CMC1: variants seen among roughly 807,000 people sequenced by gnomAD.
CMC1 encodes C-X9-C motif containing 1.
CMC1 carries 14 observed loss-of-function variants against 14.1 expected under a neutral mutation model. That is an observed-to-expected ratio of 0.99 (90% CI 0.66 to 1.55). The LOEUF (loss-of-function observed/expected upper bound fraction) is 1.55. Among genes scored for constraint, CMC1 ranks in the 40% most tolerant of loss-of-function variants. CMC1 has a pLI of 0.00. For synonymous variants in CMC1, 50 were observed against 38.4 expected, an observed-to-expected ratio of 1.30 and a Z score of -1.12; for missense variants, 127 against 123.8, an observed-to-expected ratio of 1.03 and a Z score of -0.12.
At chr3:28,247,420 G>A (rs986616487) in intron 1 of CMC1, among the ~76,000 whole-genome samples, 3 of 152,170 alleles carry the variant, frequency 2.0e-5, no homozygotes, top group Non-Finnish European at 4.4e-5. Flanking sequence ...CAGCTCTGGT[G>A]TACCACATGG....
chr3:28,299,148 C>A (rs1249280870), intron 2 of CMC1, among the ~76,000 whole-genome samples: 1 of 152,034 alleles, frequency 6.6e-6, no homozygotes, highest in African/African-American at 2.4e-5. Context: ...TCAAATTAAT[C>A]AGATTCTGCC....
At chr3:28,319,111 G>T in intron 3 of CMC1, 1 of 375,052 alleles carries the variant, frequency 2.7e-6, no homozygotes, top group Admixed American at 3.4e-5. Flanking sequence ...ATGGATTTCT[G>T]TTGGTCTTTC....
intron 2 of CMC1, among the ~76,000 whole-genome samples, chr3:28,282,870 A>G (rs1325754467): frequency 6.6e-6 from 1 of 152,184 alleles, no homozygotes; most frequent in Non-Finnish European, 1.5e-5. Context: ...ATATTATTAG[A>G]TATCTTTCCT....
At chr3:28,289,449 T>C (rs1428895852) in intron 2 of CMC1, among the ~76,000 whole-genome samples, 1 of 152,016 alleles carries the variant, frequency 6.6e-6, no homozygotes, top group African/African-American at 2.4e-5. Flanking sequence ...TGTAGGACAA[T>C]GAGAAGGTTA....
intron 2 of CMC1, among the ~76,000 whole-genome samples, chr3:28,306,492 G>A (rs1702314111): frequency 6.6e-6 from 1 of 151,984 alleles, no homozygotes; most frequent in South Asian, 2.1e-4. Context: ...AACGTTACTG[G>A]TGTATAGAAA....
At chr3:28,244,775 G>C (rs888673479) in intron 1 of CMC1, among the ~76,000 whole-genome samples, 2 of 151,708 alleles carry the variant, frequency 1.3e-5, no homozygotes, top group Non-Finnish European at 2.9e-5. Context: ...TTGTACGTCA[G>C]CAGCTGGGTG....
chr3:28,321,214 A>G lies in CMC1; in HGVS notation c.*1585A>G, dbSNP rs529077046. On this transcript the variant is annotated 3_prime_UTR_variant, in exon 4 of 4. Coordinates refer to ENST00000466830, the MANE Select transcript of CMC1 (RefSeq NM_182523.2). ...ACACAGCATAGGGGCAAACATGCCC[A>G]TATTTCCACATTGACCTTTGGTATT... The G allele has an allele frequency of 6.6e-6, 1 of 151,490 alleles. No individual in the cohort carries two copies. Among genetic ancestry groups the G allele is most frequent in the Non-Finnish European group, 1.5e-5 (1 of 67,582 alleles). The allele number at this position is 151,490 out of a possible 1,614,324, so 9.4% of individuals were successfully genotyped here.
intron 2 of CMC1, among the ~76,000 whole-genome samples, chr3:28,289,009 A>T (rs1039394535): frequency 6.6e-6 from 1 of 151,628 alleles, no homozygotes; most frequent in Non-Finnish European, 1.5e-5. Flanking sequence ...GTTTAAAAAC[A>T]TATTTCCAAT....
intron 2 of CMC1, among the ~76,000 whole-genome samples, chr3:28,306,516 A>G (rs1169855074): frequency 6.6e-6 from 1 of 152,056 alleles, no homozygotes; most frequent in Non-Finnish European, 1.5e-5. Context: ...TGATTTTTGC[A>G]TGTTGATTTT....
At position 28,324,491 on chromosome 3, in the gene CMC1, T is replaced by C; in HGVS notation, c.*4862T>C. The stretch of plus-strand genomic sequence containing the variant: ...ACACAGACTAAATGTCAGTTTTCAT[T>C]ACATTTGTGATCATAAAATTCGATA... On this transcript the variant is annotated 3_prime_UTR_variant, in exon 4 of 4. Transcript: ENST00000466830. 3 of 1,415,270 alleles carry C rather than the reference T, an allele frequency of 2.1e-6. No homozygotes were observed. The highest frequency in any genetic ancestry group is 1.9e-6 in the Non-Finnish European group (2 of 1,073,646). The allele number at this position is 1,415,270 out of a possible 1,614,324, so 87.7% of individuals were successfully genotyped here.
Position 28,324,546 on chromosome 3 carries a change from G to T in CMC1, c.*4917G>T. On this transcript the variant is annotated 3_prime_UTR_variant, in exon 4 of 4. Coordinates refer to ENST00000466830, the MANE Select transcript of CMC1 (RefSeq NM_182523.2). ...TTCACCAATTTGAATTCTAGAACTG[G>T]TGATGAAATTAAGATTTCCAAGTTA... 1 of 1,169,646 alleles carries T rather than the reference G, an allele frequency of 8.5e-7. No homozygotes were observed. The highest frequency in any genetic ancestry group is 1.1e-6 in the Non-Finnish European group (1 of 880,638). The allele number at this position is 1,169,646 out of a possible 1,614,324, so 72.5% of individuals were successfully genotyped here.
At chr3:28,294,856 G>A (rs1038780795) in intron 2 of CMC1, among the ~76,000 whole-genome samples, 4 of 152,176 alleles carry the variant, frequency 2.6e-5, no homozygotes, top group Middle Eastern at 3.4e-3. Flanking sequence ...CAGGATTCGG[G>A]TTGCCTATTA....
chr3:28,255,463 C>T (rs1215319970), intron 1 of CMC1, among the ~76,000 whole-genome samples: 1 of 151,832 alleles, frequency 6.6e-6, no homozygotes, highest in African/African-American at 2.4e-5. Context: ...CCAGGCTGGT[C>T]TTGAACTCCT....
rs1354515310 is a variant in CMC1, at chr3:28,241,683, G to T, written c.-111G>T. The T allele has an allele frequency of 1.2e-5, 15 of 1,235,914 alleles. No homozygotes were observed. The South Asian group carries it at 5.0e-4, about 41-fold the overall frequency. 76.6% of individuals were successfully genotyped at this position (1,235,914 alleles called of 1,614,324 possible). A position where few individuals can be genotyped will look rare whatever the true frequency, so the allele number is the denominator to read the frequency against. On this transcript the variant is annotated 5_prime_UTR_variant, in exon 1 of 4. Transcript: ENST00000466830. The stretch of plus-strand genomic sequence containing the variant: ...TGCAAAGGGCCCGTGTTTCTGTTGC[G>T]GGAAGCTCCCGGGGGTCGCACGTGC...
At chr3:28,272,712 C>G (rs946444618) in intron 2 of CMC1, among the ~76,000 whole-genome samples, 4 of 151,616 alleles carry the variant, frequency 2.6e-5, no homozygotes, top group Non-Finnish European at 5.9e-5. Context: ...GAATTGAAGT[C>G]TTGCACTGTC....
At chr3:28,302,082 C>T (rs146958891) in intron 2 of CMC1, among the ~76,000 whole-genome samples, 1 of 152,318 alleles carries the variant, frequency 6.6e-6, no homozygotes, top group African/African-American at 2.4e-5. Flanking sequence ...TAGAACAAGA[C>T]AGCTGGTCCT....
At chr3:28,303,121 A>C (rs1702142807) in intron 2 of CMC1, among the ~76,000 whole-genome samples, 1 of 152,212 alleles carries the variant, frequency 6.6e-6, no homozygotes, top group African/African-American at 2.4e-5. Context: ...GTACAATTCA[A>C]GTGAGCTAAC....
intron 2 of CMC1, among the ~76,000 whole-genome samples, chr3:28,307,931 G>C (rs954541980): frequency 1.3e-5 from 2 of 152,160 alleles, no homozygotes; most frequent in African/African-American, 2.4e-5. Context: ...CAGCAAAGAT[G>C]CAAGTATTCT....
Position 28,275,687 on chromosome 3 carries a change from GC to G in CMC1, c.109+12311del, listed in dbSNP as rs531061182. Among the ~76,000 whole-genome samples the G allele has an allele frequency of 1.2e-3, 181 of 152,208 alleles. 1 individual carries two copies. The highest frequency in any genetic ancestry group is 4.1e-3 in the African/African-American group (171 of 41,534). On this transcript the variant is annotated intron_variant, in intron 2 of 3. Coordinates refer to ENST00000466830, the MANE Select transcript of CMC1 (RefSeq NM_182523.2). The stretch of plus-strand genomic sequence containing the variant: ...GGTGGGAATCCTACTCGTCTGGACT[GC>G]CCCAGTTTCTCAGAGCCAGCAGGGG...
Sources: allele counts gnomAD v4.1 joint callset (sites outside exome capture counted in the v4.1 genomes callset), GRCh38; gene constraint gnomAD v4.1.1; transcripts MANE v1.5; gene names NCBI Gene and HGNC (gene_info 2026-07-23, HGNC 2026-07-21).